The following TTC28 variants were observed in gnomAD, a reference collection of about 807,000 sequenced individuals.
TTC28 encodes tetratricopeptide repeat protein 28.
In TTC28, 61 loss-of-function variants were observed where a neutral mutation model predicts 198.0. The observed-to-expected ratio is 0.31, with a 90% CI of 0.25 to 0.38. TTC28 has a LOEUF of 0.38. TTC28 is among the 10% of genes least tolerant of loss of function. TTC28 has a pLI of 1.00. For missense variants in TTC28, 2,678 were observed against 3,164.0 expected, an observed-to-expected ratio of 0.85 and a Z score of 3.69; for synonymous variants, 1,171 against 1,297.8, an observed-to-expected ratio of 0.90 and a Z score of 2.10.
intron 1 of TTC28, among the ~76,000 whole-genome samples, chr22:28,658,963 C>G (rs1031156680): frequency 6.6e-6 from 1 of 152,116 alleles, no homozygotes; most frequent in African/African-American, 2.4e-5. Flanking sequence ...TGCCACTGCA[C>G]TCTAGCCTGG....
intron 5 of TTC28, among the ~76,000 whole-genome samples, chr22:28,279,292 C>T (rs1053441420): frequency 2.6e-5 from 4 of 152,080 alleles, no homozygotes; most frequent in African/African-American, 9.7e-5. Context: ...GCATGTATAT[C>T]ACTAACTAAA....
chr22:28,481,910 G>A (rs2048251656), intron 2 of TTC28, among the ~76,000 whole-genome samples: 1 of 152,134 alleles, frequency 6.6e-6, no homozygotes, highest in Non-Finnish European at 1.5e-5. Flanking sequence ...TAGGTAAAAT[G>A]AGCTCTGTCA....
intron 2 of TTC28, among the ~76,000 whole-genome samples, chr22:28,328,565 C>T (rs1274307604): frequency 6.6e-6 from 1 of 151,558 alleles, no homozygotes; most frequent in Non-Finnish European, 1.5e-5. Flanking sequence ...ACCAGCCTGG[C>T]CAACCCGGTG....
chr22:28,509,629 A>C (rs28890559), intron 2 of TTC28, among the ~76,000 whole-genome samples: 93 of 152,318 alleles, frequency 6.1e-4, no homozygotes, highest in African/African-American at 2.1e-3. Flanking sequence ...AGAACTAGAG[A>C]ACCAAGAGCA....
chr22:28,584,398 T>C (rs898629380), intron 2 of TTC28, among the ~76,000 whole-genome samples: 7 of 152,156 alleles, frequency 4.6e-5, no homozygotes, highest in Non-Finnish European at 8.8e-5. Flanking sequence ...CACCTTTACT[T>C]CCTTTGTCCA....
At chr22:28,435,941 C>T in intron 2 of TTC28, among the ~76,000 whole-genome samples, 1 of 152,188 alleles carries the variant, frequency 6.6e-6, no homozygotes, top group East Asian at 1.9e-4. Flanking sequence ...ATAACTGTAA[C>T]TTTCCCATCT....
intron 2 of TTC28, among the ~76,000 whole-genome samples, chr22:28,450,127 T>C (rs2047758562): frequency 6.6e-6 from 1 of 152,054 alleles, no homozygotes; most frequent in Non-Finnish European, 1.5e-5. Context: ...TATGGATAAA[T>C]AGAGCTATAA....
At position 28,045,223 on chromosome 22, in the gene TTC28, G is replaced by C. The variant is rs529263812; in HGVS notation, c.3933-14857C>G. 2.0e-5 allele frequency among the ~76,000 whole-genome samples: 3 copies of C among 152,186 alleles called. No individual in the cohort carries two copies. The South Asian group carries it at 6.2e-4, about 32-fold the overall frequency. On this transcript the variant is annotated intron_variant, in intron 12 of 22. Coordinates refer to ENST00000397906, the MANE Select transcript of TTC28 (RefSeq NM_001145418.2). Reference sequence around the variant, plus strand: ...AAATGCTTGGGACCAGAAGCATTTTGAATTTTTGATCTTTTTGGATTTTGG... The same window carrying C: ...AAATGCTTGGGACCAGAAGCATTTTCAATTTTTGATCTTTTTGGATTTTGG...
intron 2 of TTC28, among the ~76,000 whole-genome samples, chr22:28,571,443 C>G (rs1013638997): frequency 6.6e-6 from 1 of 152,076 alleles, no homozygotes; most frequent in African/African-American, 2.4e-5. Context: ...ACTTTGCTCT[C>G]AAATCAAGAC....
chr22:28,243,993 A>T (rs909095090), intron 5 of TTC28, among the ~76,000 whole-genome samples: 2 of 152,202 alleles, frequency 1.3e-5, no homozygotes, highest in Non-Finnish European at 2.9e-5. Flanking sequence ...TGAGAAAAAG[A>T]CAGTAAGGAA....
At position 27,982,103 on chromosome 22, in the gene TTC28, G is replaced by T; in HGVS notation, c.*118C>A. On this transcript the variant is annotated 3_prime_UTR_variant, in exon 23 of 23. Coordinates refer to ENST00000397906, the MANE Select transcript of TTC28 (RefSeq NM_001145418.2). This position sits in a 1 kb window ranked among gnomAD's most constrained non-coding sequence, Gnocchi z 5.2. The stretch of plus-strand genomic sequence containing the variant: ...GACGTGGTGGTGCCCCTCGCCTGCA[G>T]AGCACAGCATCATGAGGGTGCTGGT... 1 of 1,106,688 alleles carries T rather than the reference G, an allele frequency of 9.0e-7. No homozygotes were observed. The highest frequency in any genetic ancestry group is 1.2e-6 in the Non-Finnish European group (1 of 801,224). The allele number at this position is 1,106,688 out of a possible 1,614,324, so 68.6% of individuals were successfully genotyped here.
intron 5 of TTC28, among the ~76,000 whole-genome samples, chr22:28,186,580 C>T (rs1265207020): frequency 6.6e-6 from 1 of 152,096 alleles, no homozygotes; most frequent in Non-Finnish European, 1.5e-5. Context: ...GGGAGCTCTA[C>T]AGGAAGAAAG....
intron 2 of TTC28, among the ~76,000 whole-genome samples, chr22:28,538,560 T>C (rs978564463): frequency 1.4e-5 from 2 of 145,106 alleles, no homozygotes; most frequent in African/African-American, 2.6e-5. Context: ...CTTTCTCTTT[T>C]TTTTTTTTTT....
chr22:28,571,240 C>T (rs186198044), intron 2 of TTC28, among the ~76,000 whole-genome samples: 2 of 152,194 alleles, frequency 1.3e-5, no homozygotes, highest in African/African-American at 4.8e-5. Flanking sequence ...CCACTTCTAC[C>T]CGACTAAATT....
intron 2 of TTC28, among the ~76,000 whole-genome samples, chr22:28,609,478 G>T (rs1263329548): frequency 6.6e-6 from 1 of 152,162 alleles, no homozygotes; most frequent in Non-Finnish European, 1.5e-5. Flanking sequence ...AAGCACAAGG[G>T]GTCGGGGAAT....
intron 2 of TTC28, among the ~76,000 whole-genome samples, chr22:28,567,446 TAC>T (rs913803833): frequency 1.1e-4 from 11 of 98,500 alleles, no homozygotes; most frequent in African/African-American, 3.3e-4. Context: ...CACATATACA[TAC>T]ACACACACAC....
chr22:28,612,835 G>A (rs2050841346), intron 2 of TTC28, among the ~76,000 whole-genome samples: 1 of 152,172 alleles, frequency 6.6e-6, no homozygotes, highest in Non-Finnish European at 1.5e-5. Flanking sequence ...TTAAAGTAGT[G>A]TTTAGAGAGA....
chr22:28,117,648 C>T (rs945811733), intron 6 of TTC28, among the ~76,000 whole-genome samples: 5 of 152,182 alleles, frequency 3.3e-5, no homozygotes, highest in Non-Finnish European at 7.3e-5. Flanking sequence ...TTAAAGATTG[C>T]TGTTAGCAAA....
At chr22:28,210,832 T>C (rs912423760) in intron 5 of TTC28, among the ~76,000 whole-genome samples, 9 of 151,866 alleles carry the variant, frequency 5.9e-5, no homozygotes, top group Non-Finnish European at 1.0e-4. Flanking sequence ...AAGACAAATA[T>C]TGTCAGATTT....
Sources: gnomAD v4.1 joint callset for allele counts (sites outside exome capture counted in the v4.1 genomes callset) on GRCh38, gnomAD v4.1.1 for gene constraint, Gnocchi (gnomAD v3.1) non-coding constraint, MANE v1.5 for transcripts, NCBI Gene and HGNC (gene_info 2026-07-23, HGNC 2026-07-21) for gene names.